SGCZ: variants seen among roughly 807,000 people sequenced by gnomAD.
The protein encoded by SGCZ is sarcoglycan zeta.
SGCZ carries 40 observed loss-of-function variants against 41.3 expected under a neutral mutation model. That is an observed-to-expected ratio of 0.97 (90% confidence interval 0.75 to 1.26). SGCZ has a LOEUF of 1.26. SGCZ is among the 50% of genes most tolerant of loss of function. The pLI is 0.00. For synonymous variants in SGCZ, 206 were observed against 137.5 expected, an observed-to-expected ratio of 1.50 and a Z score of -3.49; for missense variants, 552 against 369.8, an observed-to-expected ratio of 1.49 and a Z score of -4.04.
chr8:14,927,513 TAAGAAGAAGAGC>T (rs1401894260), intron 1 of SGCZ, among the ~76,000 whole-genome samples: 1 of 150,536 alleles, frequency 6.6e-6, no homozygotes, highest in African/African-American at 2.5e-5. Flanking sequence ...GGTAGAGAAA[TAAGAAGAAGAGC>T]AAGAAGAAGG....
chr8:15,191,379 G>A (rs546214382), intron 1 of SGCZ, among the ~76,000 whole-genome samples: 23 of 152,106 alleles, frequency 1.5e-4, no homozygotes, highest in African/African-American at 5.1e-4. Flanking sequence ...AAATGATGTA[G>A]AAAATATATT....
chr8:14,108,642 A>G (rs1802281738), intron 5 of SGCZ, among the ~76,000 whole-genome samples: 1 of 152,104 alleles, frequency 6.6e-6, no homozygotes, highest in South Asian at 2.1e-4. Flanking sequence ...CCCTCCCACA[A>G]CACGTGGGCA....
chr8:14,964,318 C>T (rs989921894), intron 1 of SGCZ, among the ~76,000 whole-genome samples: 1 of 150,922 alleles, frequency 6.6e-6, no homozygotes, highest in African/African-American at 2.4e-5. Context: ...ATAGAGCCTC[C>T]GCATACAAAT....
rs190759143 is a variant in SGCZ, at chr8:14,334,592, T to C, written c.235-10388A>G. ...AGTTAATTTGTATATCTTCTTAATT[T>C]ATTTGTGCTTTTTTGTTTGTTTCCC... On this transcript the variant is annotated intron_variant, in intron 2 of 7. Transcript: ENST00000382080. Among the ~76,000 whole-genome samples the C allele has an allele frequency of 2.0e-5, 3 of 152,226 alleles. No homozygotes were observed. The East Asian group carries it at 5.8e-4, about 29-fold the overall frequency.
intron 7 of SGCZ, among the ~76,000 whole-genome samples, chr8:14,102,106 T>TAA (rs1491151875): frequency 0.016 from 589 of 36,552 alleles, 3 homozygotes; most frequent in African/African-American, 0.066. Context: ...ATATATATAA[T>TAA]TTTTTTTTTT....
intron 6 of SGCZ, among the ~76,000 whole-genome samples, chr8:14,103,490 G>A (rs570616106): frequency 6.6e-6 from 1 of 152,260 alleles, no homozygotes; most frequent in East Asian, 1.9e-4. Flanking sequence ...TTTGTTTTCT[G>A]AGGCAATGAA....
chr8:14,508,327 T>C (rs4831297), intron 2 of SGCZ, among the ~76,000 whole-genome samples: 71,865 of 151,870 alleles, frequency 0.47, 17,474 homozygotes, highest in East Asian at 0.66. Flanking sequence ...GTTGAATGAA[T>C]GAGTAAAATA....
chr8:14,845,612 A>G (rs1247699032), intron 1 of SGCZ, among the ~76,000 whole-genome samples: 1 of 152,220 alleles, frequency 6.6e-6, no homozygotes, highest in Non-Finnish European at 1.5e-5. Context: ...TATATGTTGT[A>G]AAATTTATGT....
intron 1 of SGCZ, among the ~76,000 whole-genome samples, chr8:14,609,080 C>T (rs1215620006): frequency 1.3e-5 from 2 of 152,144 alleles, no homozygotes; most frequent in African/African-American, 2.4e-5. Flanking sequence ...TTATGATGAA[C>T]TATTTTTAAA....
chr8:14,693,355 G>T (rs1323459873), intron 1 of SGCZ, among the ~76,000 whole-genome samples: 1 of 150,032 alleles, frequency 6.7e-6, no homozygotes, highest in Non-Finnish European at 1.5e-5. Context: ...GCAATGGCAC[G>T]ATCTCGGCTC....
intron 1 of SGCZ, among the ~76,000 whole-genome samples, chr8:15,091,804 G>A (rs1362649881): frequency 2.0e-5 from 3 of 152,164 alleles, no homozygotes; most frequent in Non-Finnish European, 2.9e-5. Flanking sequence ...CCAGGCTGGA[G>A]TGCAGTGTTG....
At chr8:14,862,994 T>C (rs374423629) in intron 1 of SGCZ, among the ~76,000 whole-genome samples, 2 of 151,954 alleles carry the variant, frequency 1.3e-5, no homozygotes, top group South Asian at 4.1e-4. Context: ...TGAAGGGAAA[T>C]AAGAAGGAAA....
intron 1 of SGCZ, among the ~76,000 whole-genome samples, chr8:14,710,862 G>A (rs1308678244): frequency 6.6e-6 from 1 of 152,084 alleles, no homozygotes; most frequent in Non-Finnish European, 1.5e-5. Flanking sequence ...CATTAATTCA[G>A]AGATGTTTTG....
At chr8:15,140,711 C>T (rs1379337) in intron 1 of SGCZ, among the ~76,000 whole-genome samples, 1,553 of 152,168 alleles carry the variant, frequency 0.01, 86 homozygotes, top group Admixed American at 0.093. Flanking sequence ...TCTCTATAGG[C>T]GATTCAGAGA....
intron 2 of SGCZ, among the ~76,000 whole-genome samples, chr8:14,551,552 A>G (rs1253388332): frequency 5.3e-5 from 1 of 18,768 alleles, no homozygotes; most frequent in African/African-American, 3.4e-4. Context: ...AATATATATA[A>G]TATATATTAT....
At chr8:14,239,729 C>T (rs901407242) in intron 3 of SGCZ, among the ~76,000 whole-genome samples, 1 of 150,528 alleles carries the variant, frequency 6.6e-6, no homozygotes, top group Non-Finnish European at 1.5e-5. Flanking sequence ...GGTGAAACCC[C>T]GTCTCTACTA....
chr8:14,233,561 T>C (rs926241340), intron 4 of SGCZ, among the ~76,000 whole-genome samples: 4 of 147,806 alleles, frequency 2.7e-5, no homozygotes, highest in East Asian at 2.0e-4. Flanking sequence ...ACTTTATTTA[T>C]ACTACCATAA....
chr8:14,719,289 T>C (rs531688475), intron 1 of SGCZ, among the ~76,000 whole-genome samples: 1 of 149,408 alleles, frequency 6.7e-6, no homozygotes, highest in East Asian at 2.0e-4. Flanking sequence ...GTCTTTGCTA[T>C]TGTGAATAGT....
intron 4 of SGCZ, among the ~76,000 whole-genome samples, chr8:14,212,582 G>T (rs2117099186): frequency 6.6e-6 from 1 of 151,822 alleles, no homozygotes; most frequent in East Asian, 1.9e-4. Context: ...CAGGTGGCGT[G>T]ACTGATAAAA....
Sources: allele counts gnomAD v4.1 joint callset (sites outside exome capture counted in the v4.1 genomes callset), GRCh38; gene constraint gnomAD v4.1.1; transcripts MANE v1.5; gene names NCBI Gene and HGNC (gene_info 2026-07-23, HGNC 2026-07-21).